Variants in OSBP observed in about 807,000 individuals in gnomAD.
OSBP encodes the protein oxysterol binding protein.
A neutral mutation model predicts 96.6 loss-of-function variants in OSBP; 32 were observed. That is an observed-to-expected ratio of 0.33 (90% CI 0.25 to 0.45). OSBP has a LOEUF of 0.45. OSBP is among the 20% of genes least tolerant of loss of function. The pLI is 1.00. For synonymous variants in OSBP, 369 were observed against 389.6 expected, an observed-to-expected ratio of 0.95 and a Z score of 0.62; for missense variants, 653 against 1,029.7, an observed-to-expected ratio of 0.63 and a Z score of 5.01.
intron 9 of OSBP, among the ~76,000 whole-genome samples, chr11:59,581,985 A>G (rs1860427538): frequency 2.0e-5 from 3 of 152,228 alleles, no homozygotes; most frequent in Admixed American, 2.0e-4. Flanking sequence ...CACTTATCTA[A>G]GGCCCTTAAT....
At chr11:59,601,523 G>A in intron 4 of OSBP, 117 bp downstream of exon 4, 1 of 1,161,612 alleles carries the variant, frequency 8.6e-7, no homozygotes, top group Non-Finnish European at 1.3e-6. Context: ...AAATCAATGG[G>A]TTCCAATTCC....
In OSBP at chr11:59,600,405, G is replaced by A. The variant is rs565422531; in HGVS notation, c.1311+91C>T. On this transcript the variant is annotated intron_variant, in intron 7 of 13. Transcript: ENST00000263847. ...AAAAAAGACCATGCCACAAACTGCC[G>A]CACAAGTGGGTGGGGCTGTCATATC... 2.7e-4 allele frequency: 358 copies of A among 1,347,484 alleles called. 3 individuals are homozygous for A. Among genetic ancestry groups the A allele is most frequent in the Admixed American group, 2.3e-3 (103 of 44,322 alleles). The allele number at this position is 1,347,484 out of a possible 1,614,324, so 83.5% of individuals were successfully genotyped here.
chr11:59,610,386 T>C lies in OSBP; in HGVS notation c.566A>G (p.Glu189Gly). ...AGGTGTTCTTTGTTCCTGACCTGAC[T>C]CTGCCAGCATCTTCACAGCTTTGGC... ...AKAKAVKMLA[E>G]SDESGDEESV... The change falls in exon 2 of 14, where the codon GAG (glutamate) becomes GGG (glycine). Residue 189 changes from glutamate to glycine, a missense_variant. Glu to Gly is a moderately conservative substitution (Grantham distance 98, BLOSUM62 -2). This residue lies in a region of OSBP where 308 missense variants were observed against 573.1 expected (regional missense o/e 0.54). Coordinates refer to ENST00000263847, the MANE Select transcript of OSBP (RefSeq NM_002556.3). 6.2e-7 allele frequency: 1 copy of C among 1,612,852 alleles called. No individual in the cohort carries two copies. Among genetic ancestry groups the C allele is most frequent in the Non-Finnish European group, 8.5e-7 (1 of 1,179,984 alleles).
intron 10 of OSBP, 152 bp downstream of exon 10, chr11:59,581,299 G>A (rs1477242487): frequency 2.3e-6 from 1 of 430,892 alleles, no homozygotes; most frequent in Non-Finnish European, 4.3e-6. Flanking sequence ...AGAGTTAGAG[G>A]TAGGGCTACT....
At chr11:59,578,818 T>A (rs1177564203) in intron 11 of OSBP, among the ~76,000 whole-genome samples, 1 of 152,222 alleles carries the variant, frequency 6.6e-6, no homozygotes, top group Non-Finnish European at 1.5e-5. Flanking sequence ...GGGATTTCAT[T>A]ATCATTTTTT....
chr11:59,614,870 A>C (rs530708714), intron 1 of OSBP, among the ~76,000 whole-genome samples: 1 of 152,260 alleles, frequency 6.6e-6, no homozygotes, highest in Admixed American at 6.5e-5. Context: ...GAGACTGGGC[A>C]CTGACAGCTA....
At position 59,596,276 on chromosome 11, in the gene OSBP, T is replaced by C. The variant is rs117265860; in HGVS notation, c.1312-2021A>G. ...CTTATTAACTACACCCAATAAAATC[T>C]GTCCGTGGCAGAATTTAGACAATAC... On this transcript the variant is annotated intron_variant, in intron 7 of 13. Transcript: ENST00000263847. Among the ~76,000 whole-genome samples, 499 of 152,272 alleles carry C rather than the reference T, an allele frequency of 3.3e-3. 19 individuals are homozygous for C. The East Asian group carries it at 0.068, about 21-fold the overall frequency.
chr11:59,615,760 C>A lies in OSBP; in HGVS notation c.-96G>T. 8.2e-7 allele frequency: 1 copy of A among 1,217,068 alleles called. No individual in the cohort carries two copies. Among genetic ancestry groups the A allele is most frequent in the Middle Eastern group, 3.3e-4 (1 of 3,010 alleles). The allele number at this position is 1,217,068 out of a possible 1,614,324, so 75.4% of individuals were successfully genotyped here. Reference sequence around the variant, plus strand: ...CACACGGCTACCGCATCAGCCACCGCCGCGCAGCGTCCCCGCCCCGCCCGG... The same window carrying A: ...CACACGGCTACCGCATCAGCCACCGACGCGCAGCGTCCCCGCCCCGCCCGG... On this transcript the variant is annotated 5_prime_UTR_variant, in exon 1 of 14. Coordinates refer to ENST00000263847, the MANE Select transcript of OSBP (RefSeq NM_002556.3).
chr11:59,615,134 C>A (rs1241953366), intron 1 of OSBP, among the ~76,000 whole-genome samples, 169 bp downstream of exon 1: 2 of 152,164 alleles, frequency 1.3e-5, no homozygotes, highest in Admixed American at 6.5e-5. Context: ...AGGGGCTTTT[C>A]ACTTTCGTGA....
chr11:59,598,904 A>T (rs1337442051), intron 7 of OSBP, among the ~76,000 whole-genome samples: 2 of 152,154 alleles, frequency 1.3e-5, no homozygotes, highest in Admixed American at 1.3e-4. Flanking sequence ...TGCACCCTTA[A>T]ATGGTACAGC....
chr11:59,598,800 G>C (rs543158719), intron 7 of OSBP, among the ~76,000 whole-genome samples: 2 of 152,210 alleles, frequency 1.3e-5, no homozygotes, highest in Non-Finnish European at 2.9e-5. Flanking sequence ...ATTTTGCCCA[G>C]GCTGGTCTTG....
At chr11:59,603,949 C>T (rs975659008) in intron 3 of OSBP, among the ~76,000 whole-genome samples, 1 of 152,156 alleles carries the variant, frequency 6.6e-6, no homozygotes, top group African/African-American at 2.4e-5. Flanking sequence ...TTCCTCACAG[C>T]CAGTTATCAA....
chr11:59,611,942 T>C (rs1860854143), intron 1 of OSBP, among the ~76,000 whole-genome samples: 1 of 152,240 alleles, frequency 6.6e-6, no homozygotes, highest in Non-Finnish European at 1.5e-5. Flanking sequence ...TACCACCCGC[T>C]GGTTATGCCC....
chr11:59,612,656 T>TC (rs1860865519), intron 1 of OSBP, among the ~76,000 whole-genome samples: 1 of 152,218 alleles, frequency 6.6e-6, no homozygotes, highest in African/African-American at 2.4e-5. Flanking sequence ...TATAAATGAT[T>TC]AGTGCAGAAG....
chr11:59,591,521 T>C (rs902034601), intron 9 of OSBP, among the ~76,000 whole-genome samples: 18 of 152,274 alleles, frequency 1.2e-4, no homozygotes, highest in African/African-American at 4.1e-4. Flanking sequence ...AGATTACTTA[T>C]AATACATAAT....
intron 3 of OSBP, among the ~76,000 whole-genome samples, chr11:59,608,206 G>A (rs575133492): frequency 2.0e-5 from 3 of 152,286 alleles, no homozygotes; most frequent in Non-Finnish European, 2.9e-5. Context: ...CTGATCAGAT[G>A]TCCTAGTGGT....
chr11:59,600,798 G>A, intron 6 of OSBP, 21 bp downstream of exon 6: 1 of 1,604,724 alleles, frequency 6.2e-7, no homozygotes, highest in Non-Finnish European at 8.5e-7. Flanking sequence ...TCACCTCTGA[G>A]ATCTCCCATA....
At chr11:59,585,256 G>C (rs369630167) in intron 9 of OSBP, among the ~76,000 whole-genome samples, 1 of 148,436 alleles carries the variant, frequency 6.7e-6, no homozygotes, top group African/African-American at 2.5e-5. Context: ...GCCGCCCATC[G>C]TCTGAGATGT....
rs375246953 is a variant in OSBP at position 59,576,574 on chromosome 11, G to A, written c.*3C>T. The A allele has an allele frequency of 3.6e-5, 58 of 1,609,260 alleles. No homozygotes were observed. The highest frequency in any genetic ancestry group is 3.3e-4 in the Middle Eastern group (2 of 6,044). Reference sequence around the variant, plus strand: ...TATGCTCCTCTTTTTTGTTACTGCCGTTTCAGAAAATGTCCGGGCATGAGC... The same window carrying A: ...TATGCTCCTCTTTTTTGTTACTGCCATTTCAGAAAATGTCCGGGCATGAGC... On this transcript the variant is annotated 3_prime_UTR_variant, in exon 14 of 14. Coordinates refer to ENST00000263847, the MANE Select transcript of OSBP (RefSeq NM_002556.3).
Sources: allele counts gnomAD v4.1 joint callset (sites outside exome capture counted in the v4.1 genomes callset), GRCh38; gene constraint gnomAD v4.1.1; regional missense constraint gnomAD v4.1.1; transcripts MANE v1.5; gene names NCBI Gene and HGNC (gene_info 2026-07-23, HGNC 2026-07-21).